PHACTR3: variants seen among roughly 807,000 people sequenced by gnomAD.
PHACTR3 encodes the protein protein phosphatase 1, regulatory subunit 123.
A neutral mutation model predicts 66.8 loss-of-function variants in PHACTR3; 16 were observed. The observed-to-expected ratio is 0.24, with a 90% CI of 0.16 to 0.36. The LOEUF (loss-of-function observed/expected upper bound fraction) is 0.36, where lower values mean the gene tolerates loss of function less well. Ranked by LOEUF, PHACTR3 falls within the 10% of genes least tolerant of loss-of-function variation. The pLI is 1.00. For missense variants in PHACTR3, 647 were observed against 719.9 expected (o/e 0.90, Z 1.16); for synonymous variants, 323 against 292.1 (o/e 1.11, Z -1.08).
chr20:59,603,266 G>C (rs970449660), upstream of PHACTR3, among the ~76,000 whole-genome samples: 1 of 152,128 alleles, frequency 6.6e-6, no homozygotes, highest in African/African-American at 2.4e-5. Context: ...AAGGAGTTGG[G>C]GCGTCTCTGT....
intron 1 of PHACTR3, among the ~76,000 whole-genome samples, chr20:59,709,399 AC>A (rs11475165): frequency 0.046 from 6,955 of 152,254 alleles, 527 homozygotes; most frequent in African/African-American, 0.16. Flanking sequence ...GTGACAGCAG[AC>A]CAATTCTAAA....
intron 8 of PHACTR3, among the ~76,000 whole-genome samples, chr20:59,825,771 C>T (rs2042172462): frequency 6.6e-6 from 1 of 152,152 alleles, no homozygotes; most frequent in African/African-American, 2.4e-5. Flanking sequence ...GGGTGGGAAT[C>T]AGCTTGGCAT....
upstream of PHACTR3, among the ~76,000 whole-genome samples, chr20:59,601,112 G>T (rs966047984): frequency 1.3e-5 from 2 of 152,106 alleles, no homozygotes; most frequent in Non-Finnish European, 2.9e-5. Context: ...AAAAAGAAAC[G>T]GTACCCATTA....
At chr20:59,621,289 C>T (rs1432458167) in intron 1 of PHACTR3, among the ~76,000 whole-genome samples, 1 of 152,234 alleles carries the variant, frequency 6.6e-6, no homozygotes, top group Non-Finnish European at 1.5e-5. Context: ...ACTGATGTAG[C>T]CGGGTTCCCC....
At chr20:59,677,279 C>G (rs2036481701) in intron 1 of PHACTR3, among the ~76,000 whole-genome samples, 1 of 152,136 alleles carries the variant, frequency 6.6e-6, no homozygotes, top group African/African-American at 2.4e-5. Flanking sequence ...CATTTAGTGT[C>G]AGGAACATAT....
chr20:59,758,647 C>G (rs1163730725), intron 4 of PHACTR3, among the ~76,000 whole-genome samples: 1 of 152,142 alleles, frequency 6.6e-6, no homozygotes, highest in East Asian at 1.9e-4. Context: ...GCTTACTTAG[C>G]CCTGGAAGCA....
chr20:59,807,841 A>T (rs1281603462), intron 8 of PHACTR3, among the ~76,000 whole-genome samples: 2 of 152,206 alleles, frequency 1.3e-5, no homozygotes, highest in Non-Finnish European at 2.9e-5. Flanking sequence ...CTGTGCATAT[A>T]TACACATACA....
At chr20:59,687,344 GT>G (rs931245661) in intron 1 of PHACTR3, among the ~76,000 whole-genome samples, 2 of 152,120 alleles carry the variant, frequency 1.3e-5, no homozygotes, top group Non-Finnish European at 2.9e-5. Flanking sequence ...TGAGGGTGAT[GT>G]TGTTACCTTG....
At chr20:59,751,527 G>A (rs1274080626) in intron 3 of PHACTR3, among the ~76,000 whole-genome samples, 1 of 152,180 alleles carries the variant, frequency 6.6e-6, no homozygotes, top group East Asian at 1.9e-4. Context: ...TGAAGCAGGT[G>A]GGCAGCCTGG....
chr20:59,790,204 C>A (rs537239591), intron 7 of PHACTR3, among the ~76,000 whole-genome samples: 1 of 152,044 alleles, frequency 6.6e-6, no homozygotes, highest in African/African-American at 2.4e-5. Context: ...GTTTGTTGTA[C>A]AGATTATTTC....
chr20:59,612,709 T>C (rs953991880), intron 1 of PHACTR3, among the ~76,000 whole-genome samples: 6 of 152,218 alleles, frequency 3.9e-5, no homozygotes, highest in Non-Finnish European at 8.8e-5. Flanking sequence ...AGAGTGACAC[T>C]GGGAATCCAG....
At chr20:59,581,875 C>T (rs1287690265) in intron 1 of PHACTR3, among the ~76,000 whole-genome samples, 1 of 92,796 alleles carries the variant, frequency 1.1e-5, no homozygotes, top group African/African-American at 6.3e-5. Context: ...AGCGAGACTC[C>T]GTCTCAAAAA....
chr20:59,838,783 G>A (rs895051475), intron 9 of PHACTR3, among the ~76,000 whole-genome samples: 2 of 152,130 alleles, frequency 1.3e-5, no homozygotes, highest in African/African-American at 4.8e-5. Flanking sequence ...GAGTATAGCA[G>A]TCCTGATTAT....
At chr20:59,744,824 C>T (rs912635126) in intron 2 of PHACTR3, among the ~76,000 whole-genome samples, 3 of 152,326 alleles carry the variant, frequency 2.0e-5, no homozygotes, top group Admixed American at 6.5e-5. Flanking sequence ...CAGAGCTTTC[C>T]GCAGAGTAGG....
intron 1 of PHACTR3, among the ~76,000 whole-genome samples, chr20:59,578,204 G>A (rs183088986): frequency 5.0e-4 from 76 of 152,344 alleles, no homozygotes; most frequent in African/African-American, 1.7e-3. Flanking sequence ...GAGGAATCCA[G>A]AAAATGGCCA....
Position 59,836,755 on chromosome 20 carries a change from T to TA in PHACTR3, c.1384+202dup, listed in dbSNP as rs1024590865. Among the ~76,000 whole-genome samples the TA allele has an allele frequency of 5.9e-5, 9 of 152,108 alleles. No individual in the cohort carries two copies. The South Asian group carries it at 1.9e-3, about 32-fold the overall frequency. The stretch of plus-strand genomic sequence containing the variant: ...ATACCTAGAAACATTTTTTTTAATT[T>TA]AAAAAAACTCCTTTCCTCTTAGCAT... On this transcript the variant is annotated intron_variant, in intron 9 of 12. Transcript: ENST00000371015.
intron 1 of PHACTR3, among the ~76,000 whole-genome samples, chr20:59,661,592 A>G (rs965905797): frequency 3.9e-5 from 6 of 152,196 alleles, no homozygotes; most frequent in Admixed American, 2.0e-4. Flanking sequence ...CCATGGCACA[A>G]TGTGTACCAG....
intron 4 of PHACTR3, among the ~76,000 whole-genome samples, chr20:59,759,482 C>T (rs1333616285): frequency 6.6e-6 from 1 of 152,138 alleles, no homozygotes; most frequent in Non-Finnish European, 1.5e-5. Flanking sequence ...TGAACAGAGT[C>T]TGTCCCTGTA....
intron 1 of PHACTR3, among the ~76,000 whole-genome samples, chr20:59,661,219 ACTTTT>A (rs1166824412): frequency 6.6e-6 from 1 of 152,198 alleles, no homozygotes; most frequent in Non-Finnish European, 1.5e-5. Context: ...AAGAGAAAGC[ACTTTT>A]TCCTGCTGGA....
Sources: allele counts gnomAD v4.1 joint callset (sites outside exome capture counted in the v4.1 genomes callset), GRCh38; gene constraint gnomAD v4.1.1; transcripts MANE v1.5; gene names NCBI Gene and HGNC (gene_info 2026-07-23, HGNC 2026-07-21).